TOX3: variants seen among roughly 807,000 people sequenced by gnomAD.
The protein encoded by TOX3 is TOX high mobility group box family member 3.
In TOX3, 22 loss-of-function variants were observed where a neutral mutation model predicts 64.3. The observed-to-expected ratio is 0.34, with a 90% confidence interval of 0.24 to 0.49. The LOEUF (loss-of-function observed/expected upper bound fraction) is 0.49. Ranked by LOEUF, TOX3 falls within the 20% of genes least tolerant of loss-of-function variation. The probability of loss-of-function intolerance (pLI) is 0.99; values close to 1 mark genes in which losing one functional copy is unlikely to be tolerated. For missense variants in TOX3, 661 were observed against 714.4 expected, an observed-to-expected ratio of 0.93 and a Z score of 0.85; for synonymous variants, 291 against 273.6, an observed-to-expected ratio of 1.06 and a Z score of -0.63.
intron 1 of TOX3, among the ~76,000 whole-genome samples, chr16:52,507,999 T>C (rs1047536959): frequency 6.6e-6 from 1 of 152,186 alleles, no homozygotes; most frequent in African/African-American, 2.4e-5. Flanking sequence ...GAGCTTGAGG[T>C]TTCTTACTGA....
intron 4 of TOX3, 132 bp from the exon 5 acceptor site, chr16:52,446,353 G>T (rs77146257): frequency 3.3e-4 from 299 of 907,562 alleles, no homozygotes; most frequent in Middle Eastern, 2.1e-3. Flanking sequence ...CACCAAAAGC[G>T]GGGGAGGGGT....
intron 1 of TOX3, among the ~76,000 whole-genome samples, chr16:52,498,542 T>A (rs1172657827): frequency 6.6e-6 from 1 of 152,154 alleles, no homozygotes; most frequent in Admixed American, 6.5e-5. Flanking sequence ...GGCAGTCACT[T>A]GACCTGCCTC....
chr16:52,501,426 C>T (rs1596832913), intron 1 of TOX3, among the ~76,000 whole-genome samples: 1 of 152,160 alleles, frequency 6.6e-6, no homozygotes, highest in East Asian at 1.9e-4. Flanking sequence ...AATCCCAGCA[C>T]TTTGGGAGGC....
At chr16:52,538,357 T>G (rs552155155) in intron 1 of TOX3, among the ~76,000 whole-genome samples, 3 of 152,324 alleles carry the variant, frequency 2.0e-5, no homozygotes, top group South Asian at 4.1e-4. Context: ...TTAAAGAAAC[T>G]GTAGAATTTT....
At chr16:52,507,062 T>A (rs1022039629) in intron 1 of TOX3, among the ~76,000 whole-genome samples, 2 of 152,188 alleles carry the variant, frequency 1.3e-5, no homozygotes, top group Non-Finnish European at 2.9e-5. Flanking sequence ...TGTTAAAATG[T>A]TCGGCACTTC....
rs554273534 is a variant in TOX3, at chr16:52,459,142, C to T, written c.408+4792G>A. ...CAGCCTGGGCAACTGAGAGCAAGGC[C>T]CTGTCTCTATAATAATTTTAAAAAC... On this transcript the variant is annotated intron_variant, in intron 3 of 6. Coordinates refer to ENST00000219746, the MANE Select transcript of TOX3 (RefSeq NM_001080430.4). Among the ~76,000 whole-genome samples the T allele has an allele frequency of 5.9e-5, 9 of 152,024 alleles. No individual in the cohort carries two copies. In the East Asian group the frequency reaches 1.7e-3, roughly 29 times the overall value.
chr16:52,445,558 G>C (rs1960138661), intron 5 of TOX3: 4 of 154,694 alleles, frequency 2.6e-5, no homozygotes, highest in African/African-American at 7.2e-5. Flanking sequence ...ACAATAATGA[G>C]ACACGCAGAG....
At chr16:52,469,028 A>G (rs1194108109) in intron 1 of TOX3, among the ~76,000 whole-genome samples, 1 of 152,222 alleles carries the variant, frequency 6.6e-6, no homozygotes, top group Non-Finnish European at 1.5e-5. Flanking sequence ...TTCAATTCCC[A>G]GGACTCAAAT....
intron 1 of TOX3, among the ~76,000 whole-genome samples, chr16:52,511,085 G>T (rs1413905750): frequency 2.0e-5 from 3 of 152,156 alleles, no homozygotes; most frequent in African/African-American, 7.2e-5. Flanking sequence ...GACATTTAAA[G>T]GGACTCCCGC....
chr16:52,465,971 G>A (rs1960852958), intron 2 of TOX3, among the ~76,000 whole-genome samples: 1 of 152,138 alleles, frequency 6.6e-6, no homozygotes, highest in Non-Finnish European at 1.5e-5. Context: ...TTCTAACTGT[G>A]GAACCCCTAG....
intron 1 of TOX3, among the ~76,000 whole-genome samples, chr16:52,484,835 G>T (rs1269841162): frequency 2.0e-5 from 3 of 152,008 alleles, no homozygotes; most frequent in Non-Finnish European, 4.4e-5. Flanking sequence ...CAGTATGGAG[G>T]TTTCTCAAAG....
intron 3 of TOX3, among the ~76,000 whole-genome samples, chr16:52,457,884 C>T (rs966451080): frequency 5.9e-5 from 9 of 152,114 alleles, no homozygotes; most frequent in African/African-American, 1.9e-4. Flanking sequence ...TGTAATCAGA[C>T]ATACCTACCC....
chr16:52,532,466 GACA>G (rs1172064184), intron 1 of TOX3, among the ~76,000 whole-genome samples: 1 of 152,234 alleles, frequency 6.6e-6, no homozygotes, highest in Admixed American at 6.5e-5. Flanking sequence ...GACCCCGGTG[GACA>G]GCCAGCCAAC....
intron 1 of TOX3, 126 bp downstream of exon 1, chr16:52,546,511 A>T: frequency 2.5e-6 from 2 of 805,550 alleles, no homozygotes; most frequent in Non-Finnish European, 3.7e-6. Context: ...GAAGGCTCAA[A>T]GGTAGAAGAG....
At chr16:52,491,154 C>T (rs866933525) in intron 1 of TOX3, among the ~76,000 whole-genome samples, 5 of 152,096 alleles carry the variant, frequency 3.3e-5, no homozygotes, top group Non-Finnish European at 7.4e-5. Flanking sequence ...GCCTCATTCC[C>T]TTCTATTCCT....
At chr16:52,524,140 T>C (rs562511198) in intron 1 of TOX3, among the ~76,000 whole-genome samples, 105 of 152,288 alleles carry the variant, frequency 6.9e-4, no homozygotes, top group African/African-American at 2.5e-3. Context: ...CAGTGGAATG[T>C]CACTGTGGAC....
At position 52,468,555 on chromosome 16, in the gene TOX3, T is replaced by A; in HGVS notation, c.107A>T (p.Tyr36Phe). Reference protein sequence around the residue: ...GYSKFGNNNNYMNMAEANNAF... With the variant: ...GYSKFGNNNNFMNMAEANNAF... ...ATTGTTCGCCTCAGCCATATTCATA[T>A]AGTTATTATTATTTCCAAACTGAAA... Residue 36 changes from tyrosine to phenylalanine, a missense_variant, in exon 2 of 7, where the codon TAT becomes TTT. Around this residue, in one of 3 missense-constraint regions of TOX3, gnomAD observed 259 missense variants for 261.2 expected, o/e 0.99. Coordinates refer to ENST00000219746, the MANE Select transcript of TOX3 (RefSeq NM_001080430.4). The A allele has an allele frequency of 1.9e-6, 3 of 1,612,086 alleles. No homozygotes were observed. The highest frequency in any genetic ancestry group is 2.5e-6 in the Non-Finnish European group (3 of 1,178,810).
At chr16:52,462,629 G>A (rs1218306330) in intron 3 of TOX3, among the ~76,000 whole-genome samples, 1 of 151,934 alleles carries the variant, frequency 6.6e-6, no homozygotes, top group African/African-American at 2.4e-5. Flanking sequence ...AAACTCCCTT[G>A]GTGACTAAAC....
intron 1 of TOX3, among the ~76,000 whole-genome samples, chr16:52,511,827 T>G (rs1281635579): frequency 6.7e-6 from 1 of 149,348 alleles, no homozygotes; most frequent in Non-Finnish European, 1.5e-5. Flanking sequence ...ACTTGAAAGT[T>G]TAGTGCATGG....
Sources: gnomAD v4.1 joint callset for allele counts (sites outside exome capture counted in the v4.1 genomes callset) on GRCh38, gnomAD v4.1.1 for gene constraint, gnomAD v4.1.1 regional missense constraint, MANE v1.5 for transcripts, NCBI Gene and HGNC (gene_info 2026-07-23, HGNC 2026-07-21) for gene names.